The following PCDH15 variants were observed in gnomAD, a reference collection of about 807,000 sequenced individuals.
The protein encoded by PCDH15 is protocadherin-15.
A neutral mutation model predicts 178.5 loss-of-function variants in PCDH15; 129 were observed. The ratio of observed to expected loss-of-function variants is 0.72; its 90% CI spans 0.63 to 0.84. The LOEUF is 0.84. Ranked by LOEUF, PCDH15 falls within the 40% of genes least tolerant of loss-of-function variation. The probability of loss-of-function intolerance (pLI) is 0.00; values close to 1 mark genes in which losing one functional copy is unlikely to be tolerated. For missense variants in PCDH15, 2,230 were observed against 2,099.9 expected, an observed-to-expected ratio of 1.06 and a Z score of -1.21; for synonymous variants, 800 against 732.0, an observed-to-expected ratio of 1.09 and a Z score of -1.50.
intron 1 of PCDH15, among the ~76,000 whole-genome samples, chr10:55,213,976 A>T (rs190832007): frequency 2.0e-5 from 3 of 152,020 alleles, no homozygotes; most frequent in African/African-American, 7.2e-5. Flanking sequence ...TTATTATTTC[A>T]ATTCTAAGCA....
intron 3 of PCDH15, among the ~76,000 whole-genome samples, chr10:54,878,738 C>A (rs1431409631): frequency 1.3e-5 from 2 of 151,974 alleles, no homozygotes; most frequent in African/African-American, 4.8e-5. Context: ...TAAATGTGTG[C>A]CATGGTGGTA....
chr10:54,084,845 T>G (rs1478769801), intron 16 of PCDH15, among the ~76,000 whole-genome samples: 1 of 152,222 alleles, frequency 6.6e-6, no homozygotes, highest in Non-Finnish European at 1.5e-5. Flanking sequence ...CTTGGAGGTG[T>G]CTGAGCCTTT....
At chr10:54,289,800 A>G (rs1013463556) in intron 8 of PCDH15, among the ~76,000 whole-genome samples, 13 of 152,336 alleles carry the variant, frequency 8.5e-5, no homozygotes, top group African/African-American at 3.1e-4. Context: ...GGTATCAGTG[A>G]TTGGAGATCA....
intron 8 of PCDH15, among the ~76,000 whole-genome samples, chr10:54,277,097 C>A (rs147600577): frequency 0.017 from 2,543 of 151,548 alleles, 60 homozygotes; most frequent in African/African-American, 0.045. Context: ...TCACTCTCTT[C>A]CTGAGTCCCT....
At chr10:55,391,744 C>A (rs1336047742) in intron 2 of PCDH15, among the ~76,000 whole-genome samples, 1 of 152,110 alleles carries the variant, frequency 6.6e-6, no homozygotes, top group Non-Finnish European at 1.5e-5. Context: ...CCTCAGCCTC[C>A]CAAAGTGCTG....
At chr10:55,350,260 TATATATATACACAC>T (rs1230493072) in intron 2 of PCDH15, among the ~76,000 whole-genome samples, 3,817 of 71,162 alleles carry the variant, frequency 0.054, 106 homozygotes, top group African/African-American at 0.16. Context: ...TATATATATA[TATATATATACACAC>T]ACACACACAC....
At chr10:55,203,227 T>C (rs1236442730) in intron 1 of PCDH15, among the ~76,000 whole-genome samples, 2 of 152,094 alleles carry the variant, frequency 1.3e-5, no homozygotes, top group Non-Finnish European at 2.9e-5. Flanking sequence ...GCTTCTCTTT[T>C]ACACTTCTAA....
At chr10:54,792,925 C>A (rs911342132) in intron 1 of PCDH15, among the ~76,000 whole-genome samples, 1 of 151,780 alleles carries the variant, frequency 6.6e-6, no homozygotes, top group Non-Finnish European at 1.5e-5. Context: ...ACTGAGTCCC[C>A]CATTCCCAAC....
At chr10:54,510,452 A>G (rs1468521203) in intron 3 of PCDH15, among the ~76,000 whole-genome samples, 2 of 152,182 alleles carry the variant, frequency 1.3e-5, no homozygotes, top group Admixed American at 1.3e-4. Flanking sequence ...TGTGTCACAT[A>G]TAGGTGCTAA....
chr10:55,371,726 CTG>C (rs1845513268), intron 2 of PCDH15, among the ~76,000 whole-genome samples: 1 of 152,052 alleles, frequency 6.6e-6, no homozygotes, highest in Non-Finnish European at 1.5e-5. Context: ...GCCTGCAGAG[CTG>C]TGAGTCAATT....
At chr10:54,981,826 A>G (rs1354929727) in intron 2 of PCDH15, among the ~76,000 whole-genome samples, 1 of 152,098 alleles carries the variant, frequency 6.6e-6, no homozygotes, top group Non-Finnish European at 1.5e-5. Flanking sequence ...CCCAGGTTGC[A>G]GTGCAGTGGC....
chr10:54,414,339 C>T (rs1954003003), intron 3 of PCDH15, among the ~76,000 whole-genome samples: 1 of 151,916 alleles, frequency 6.6e-6, no homozygotes, highest in Admixed American at 6.6e-5. Flanking sequence ...TCCAATCAAA[C>T]ATTTTTGGAG....
rs561704053 is a variant in PCDH15, at chr10:54,934,980, C to CA, written c.-79-37481dup. Among the ~76,000 whole-genome samples, 78 of 148,570 alleles carry CA rather than the reference C, an allele frequency of 5.3e-4. No homozygotes were observed. In the East Asian group the frequency reaches 0.015, roughly 28 times the overall value. ...AATTCTCAGTAAACTATCGCAAGGA[C>CA]AAAAAAACCAAACACCGCATGTTCT... On this transcript the variant is annotated intron_variant, in intron 2 of 5. Coordinates refer to the PCDH15 transcript ENST00000458638.
intron 18 of PCDH15, among the ~76,000 whole-genome samples, chr10:54,036,813 C>A (rs992862618): frequency 6.6e-6 from 1 of 151,868 alleles, no homozygotes; most frequent in African/African-American, 2.4e-5. Context: ...TCTGATGGAT[C>A]TGCGCAAAGT....
At chr10:54,725,728 G>T in intron 1 of PCDH15, among the ~76,000 whole-genome samples, 1 of 151,130 alleles carries the variant, frequency 6.6e-6, no homozygotes, top group Non-Finnish European at 1.5e-5. Flanking sequence ...CACAAAATGA[G>T]CACATTCAAG....
chr10:53,824,685 GA>G (rs1256995115), intron 32 of PCDH15, among the ~76,000 whole-genome samples: 2 of 151,960 alleles, frequency 1.3e-5, no homozygotes, highest in Non-Finnish European at 2.9e-5. Context: ...AATATGGCAC[GA>G]ACAACTGGGA....
At chr10:53,965,461 C>T (rs2088909651) in intron 21 of PCDH15, among the ~76,000 whole-genome samples, 1 of 152,158 alleles carries the variant, frequency 6.6e-6, no homozygotes, top group South Asian at 2.1e-4. Flanking sequence ...ACAAACTTGG[C>T]TCACACTAAA....
chr10:54,356,963 C>G (rs150891532), intron 5 of PCDH15, among the ~76,000 whole-genome samples: 2 of 152,094 alleles, frequency 1.3e-5, no homozygotes, highest in Non-Finnish European at 2.9e-5. Context: ...TTCAACAACC[C>G]TTCATGCTAA....
At chr10:55,477,913 G>C (rs1213306323) in intron 2 of PCDH15, among the ~76,000 whole-genome samples, 1 of 151,702 alleles carries the variant, frequency 6.6e-6, no homozygotes, top group Non-Finnish European at 1.5e-5. Context: ...AAACACACAA[G>C]ACCAAACTAT....
Sources: allele counts gnomAD v4.1 joint callset (sites outside exome capture counted in the v4.1 genomes callset), GRCh38; gene constraint gnomAD v4.1.1; transcripts MANE v1.5; gene names NCBI Gene and HGNC (gene_info 2026-07-23, HGNC 2026-07-21).